ZZEF1: variants seen among roughly 807,000 people sequenced by gnomAD.
ZZEF1 encodes zinc finger ZZ-type and EF-hand domain-containing protein 1.
Under a neutral mutation model 342.8 loss-of-function variants are expected in ZZEF1, and 157 were observed. That is an observed-to-expected ratio of 0.46 (90% CI 0.40 to 0.52). The LOEUF is 0.52. Among genes scored for constraint, ZZEF1 ranks in the 20% least tolerant of loss-of-function variants. The probability of loss-of-function intolerance (pLI) is 0.00; values close to 1 mark genes in which losing one functional copy is unlikely to be tolerated. For missense variants in ZZEF1, 3,480 were observed against 3,725.6 expected (o/e 0.93, Z 1.72); for synonymous variants, 1,505 against 1,429.1 (o/e 1.05, Z -1.20).
intron 3 of ZZEF1, among the ~76,000 whole-genome samples, chr17:4,116,288 G>C (rs1469924553): frequency 6.6e-6 from 1 of 152,088 alleles, no homozygotes; most frequent in Non-Finnish European, 1.5e-5. Context: ...CTTCAGCCTG[G>C]GCAACAAGAA....
chr17:4,140,432 T>G (rs1404525751), intron 1 of ZZEF1, among the ~76,000 whole-genome samples: 5 of 152,204 alleles, frequency 3.3e-5, no homozygotes, highest in Non-Finnish European at 7.3e-5. Flanking sequence ...CACTTGCTAT[T>G]TATTCCTTAT....
chr17:4,127,935 C>T (rs1202246220), intron 1 of ZZEF1, among the ~76,000 whole-genome samples: 1 of 152,186 alleles, frequency 6.6e-6, no homozygotes, highest in African/African-American at 2.4e-5. Flanking sequence ...GTGAGTCCAC[C>T]AGTTGACAAG....
rs764809739 is a variant in ZZEF1, at chr17:4,016,494, G to A, written c.8002-28C>T. 6.3e-7 allele frequency: 1 copy of A among 1,582,940 alleles called. No homozygotes were observed. Among genetic ancestry groups the A allele is most frequent in the Non-Finnish European group, 8.5e-7 (1 of 1,170,980 alleles). ...GGTGGGAAGCAGACAGATAAGGTCA[G>A]GGCCTGCAAGTGGCATCAGGAAGAA... On this transcript the variant is annotated intron_variant, in intron 48 of 54. Coordinates refer to ENST00000381638, the MANE Select transcript of ZZEF1 (RefSeq NM_015113.4). The surrounding 1 kb of genome is among the most constrained non-coding windows in gnomAD (Gnocchi z 4.4).
rs2056092838 is a variant in ZZEF1, at chr17:4,016,089, TTC to T, written c.8145+232_8145+233del. 1.3e-5 allele frequency among the ~76,000 whole-genome samples: 2 copies of T among 152,194 alleles called. No individual in the cohort carries two copies. Among genetic ancestry groups the T allele is most frequent in the Non-Finnish European group, 2.9e-5 (2 of 68,038 alleles). On this transcript the variant is annotated intron_variant, in intron 49 of 54. Coordinates refer to ENST00000381638, the MANE Select transcript of ZZEF1 (RefSeq NM_015113.4). This position sits in a 1 kb window ranked among gnomAD's most constrained non-coding sequence, Gnocchi z 4.4. ...CTCCTCCAGGGCTAGGTGGCCCATT[TTC>T]TTCTATTAAAACAAGAAAAGTCCGG...
Position 4,059,233 on chromosome 17 carries a change from A to C in ZZEF1, c.4941T>G (p.Thr1647=), listed in dbSNP as rs2057233529. 1 of 1,608,230 alleles carries C rather than the reference A, an allele frequency of 6.2e-7. No homozygotes were observed. The highest frequency in any genetic ancestry group is 1.3e-5 in the African/African-American group (1 of 74,710). ...CCAAAAACAGAACAAGTTGATAGTA[A>C]GTGTCTCGAATTTCTTTGTGTAGAT... ...GADLHKEIRD[T]YYQLVLFLVK... Residue 1647 remains threonine, a synonymous_variant, in exon 31 of 55, where the codon ACT becomes ACG. Coordinates refer to ENST00000381638, the MANE Select transcript of ZZEF1 (RefSeq NM_015113.4).
intron 17 of ZZEF1, among the ~76,000 whole-genome samples, chr17:4,082,054 C>T (rs971682055): frequency 2.0e-5 from 3 of 152,180 alleles, no homozygotes; most frequent in African/African-American, 4.8e-5. Flanking sequence ...AGGCAAAAAT[C>T]TCGAAGACCT....
At chr17:4,118,613 C>T (rs375898195) in intron 2 of ZZEF1, among the ~76,000 whole-genome samples, 5 of 152,168 alleles carry the variant, frequency 3.3e-5, no homozygotes, top group Admixed American at 6.6e-5. Context: ...GGCAGCCTTT[C>T]GGGTCACTGG....
At chr17:4,081,025 C>G (rs969208869) in intron 18 of ZZEF1, among the ~76,000 whole-genome samples, 23 of 152,006 alleles carry the variant, frequency 1.5e-4, no homozygotes, top group Admixed American at 1.3e-3. Context: ...TTTCTTGATT[C>G]CAGGAGTTCA....
chr17:4,064,810 C>A lies in ZZEF1; in HGVS notation c.4269G>T (p.Lys1423Asn). The change falls in exon 29 of 55, where the codon AAG becomes AAT. Residue 1423 changes from lysine to asparagine, a missense_variant. By Grantham distance (94) the Lys-to-Asn change is moderately conservative. This residue lies in a region of ZZEF1 where 1,528 missense variants were observed against 1,624.1 expected (regional missense o/e 0.94). Coordinates refer to ENST00000381638, the MANE Select transcript of ZZEF1 (RefSeq NM_015113.4). Reference protein sequence around the residue: ...PESLAKECIEKSLLLLKFLPT... With the variant: ...PESLAKECIENSLLLLKFLPT... ...GCAGAAATTTTAGTAATAGAAGACT[C>A]TTCTCAATGCACTCTTTTGCTAGAT... 4 of 1,551,416 alleles carry A rather than the reference C, an allele frequency of 2.6e-6. No homozygotes were observed. The highest frequency in any genetic ancestry group is 3.5e-6 in the Non-Finnish European group (4 of 1,144,792).
intron 52 of ZZEF1, 113 bp downstream of exon 52, chr17:4,013,336 T>C: frequency 9.1e-7 from 1 of 1,104,958 alleles, no homozygotes; most frequent in Non-Finnish European, 1.2e-6. Flanking sequence ...CTGGAAGACA[T>C]TAAAGCCACA....
At chr17:4,040,558 C>T (rs1273443382) in intron 39 of ZZEF1, among the ~76,000 whole-genome samples, 1 of 152,090 alleles carries the variant, frequency 6.6e-6, no homozygotes, top group Admixed American at 6.5e-5. Flanking sequence ...AAAAAGGTTA[C>T]ACTGTTAATT....
intron 37 of ZZEF1, 91 bp from the exon 38 acceptor site, chr17:4,044,465 C>T (rs2056868540): frequency 2.4e-6 from 3 of 1,250,316 alleles, no homozygotes; most frequent in Non-Finnish European, 3.3e-6. Flanking sequence ...AGCCAGTCTT[C>T]ATAGACTAAA....
At chr17:4,120,766 C>T (rs1462840401) in intron 2 of ZZEF1, among the ~76,000 whole-genome samples, 1 of 152,114 alleles carries the variant, frequency 6.6e-6, no homozygotes, top group Non-Finnish European at 1.5e-5. Flanking sequence ...CATGGCAAAA[C>T]GTTGTATCTA....
At chr17:4,087,593 G>A (rs2057856908) in intron 13 of ZZEF1, 59 bp from the exon 14 acceptor site, 6 of 1,404,370 alleles carry the variant, frequency 4.3e-6, no homozygotes, top group Non-Finnish European at 5.9e-6. Context: ...GAGAAATACT[G>A]TAATGCCTCA....
intron 16 of ZZEF1, 103 bp from the exon 17 acceptor site, chr17:4,082,607 G>A: frequency 9.1e-7 from 1 of 1,100,974 alleles, no homozygotes; most frequent in Non-Finnish European, 1.3e-6. Context: ...TCTCAAGTAT[G>A]AGGAATGCCA....
At chr17:4,122,922 C>CTCT (rs1555611537) in intron 2 of ZZEF1, among the ~76,000 whole-genome samples, 2 of 136,706 alleles carry the variant, frequency 1.5e-5, no homozygotes, top group African/African-American at 5.4e-5. Context: ...TGACCTCTTC[C>CTCT]TTTTTTTTTT....
intron 29 of ZZEF1, among the ~76,000 whole-genome samples, chr17:4,063,365 C>G (rs150464345): frequency 1.3e-5 from 2 of 152,216 alleles, no homozygotes; most frequent in Non-Finnish European, 2.9e-5. Flanking sequence ...TCCTTGAACC[C>G]AGGCATTTGA....
At chr17:4,122,007 A>G (rs2058491494) in intron 2 of ZZEF1, among the ~76,000 whole-genome samples, 2 of 152,096 alleles carry the variant, frequency 1.3e-5, no homozygotes, top group Admixed American at 1.3e-4. Context: ...ATGAGCCACC[A>G]TGTCTGGCTG....
At chr17:4,054,314 G>T in intron 33 of ZZEF1, 119 bp from the exon 34 acceptor site, 1 of 1,146,530 alleles carries the variant, frequency 8.7e-7, no homozygotes, top group Non-Finnish European at 1.2e-6. Flanking sequence ...TAAGTGCTAG[G>T]ATTTGATAAT....
Sources: gnomAD v4.1 joint callset for allele counts (sites outside exome capture counted in the v4.1 genomes callset) on GRCh38, gnomAD v4.1.1 for gene constraint, gnomAD v4.1.1 regional missense constraint, Gnocchi (gnomAD v3.1) non-coding constraint, MANE v1.5 for transcripts, NCBI Gene and HGNC (gene_info 2026-07-23, HGNC 2026-07-21) for gene names.